Variants in CLEC11A observed in about 807,000 individuals in gnomAD.
CLEC11A encodes C-type lectin domain family 11 member A.
A neutral mutation model predicts 33.9 loss-of-function variants in CLEC11A; 35 were observed. That is an observed-to-expected ratio of 1.03 (90% CI 0.79 to 1.37). The LOEUF (loss-of-function observed/expected upper bound fraction) is 1.37. Ranked by LOEUF, CLEC11A falls within the 40% of genes most tolerant of loss-of-function variation. The pLI is 0.00. For synonymous variants in CLEC11A, 220 were observed against 202.2 expected (o/e 1.09, Z -0.75); for missense variants, 519 against 455.5 (o/e 1.14, Z -1.27).
Position 50,724,824 on chromosome 19 carries a change from G to C in CLEC11A, c.527-198G>C. ...GCAGCACCACGCCCCCTACAGTCCAGCTCCCACCGCCTGGCCCCGCCCCTG... is the reference window on the plus strand; with the variant it reads ...GCAGCACCACGCCCCCTACAGTCCACCTCCCACCGCCTGGCCCCGCCCCTG... On this transcript the variant is annotated intron_variant, in intron 3 of 3. Coordinates refer to ENST00000250340, the MANE Select transcript of CLEC11A (RefSeq NM_002975.3). This position sits in a 1 kb window ranked among gnomAD's most constrained non-coding sequence, Gnocchi z 4.1. 1.5e-5 allele frequency: 20 copies of C among 1,359,464 alleles called. No individual in the cohort carries two copies. The South Asian group carries it at 2.9e-4, about 20-fold the overall frequency. The allele number at this position is 1,359,464 out of a possible 1,614,324, so 84.2% of individuals were successfully genotyped here. A position where few individuals can be genotyped will look rare whatever the true frequency, so the allele number is the denominator to read the frequency against.
Position 50,724,942 on chromosome 19 carries a change from C to G in CLEC11A, c.527-80C>G, listed in dbSNP as rs111247044. ...AGTTCCTGGCCCCGCCTCCCTCCACCCCCGGATGTTTTGTCCTCGCCCCCT... is the reference window on the plus strand; with the variant it reads ...AGTTCCTGGCCCCGCCTCCCTCCACGCCCGGATGTTTTGTCCTCGCCCCCT... On this transcript the variant is annotated intron_variant, in intron 3 of 3. Transcript: ENST00000250340. The surrounding 1 kb of genome is among the most constrained non-coding windows in gnomAD (Gnocchi z 4.1). 5.7e-5 allele frequency: 81 copies of G among 1,417,362 alleles called. 2 individuals carry two copies. The African/African-American group carries it at 8.9e-4, about 16-fold the overall frequency. The allele number at this position is 1,417,362 out of a possible 1,614,324, so 87.8% of individuals were successfully genotyped here. A position where few individuals can be genotyped will look rare whatever the true frequency, so the allele number is the denominator to read the frequency against.
chr19:50,724,671 G>T lies in CLEC11A; in HGVS notation c.526+70G>T, dbSNP rs1479248007. 2 of 1,329,610 alleles carry T rather than the reference G, an allele frequency of 1.5e-6. No individual in the cohort carries two copies. The highest frequency in any genetic ancestry group is 1.6e-5 in the African/African-American group (1 of 64,480). 82.4% of individuals were successfully genotyped at this position (1,329,610 alleles called of 1,614,324 possible). Reference sequence around the variant, plus strand: ...GCCAGGAATGGGACTGGTTGAGAAGGTGACCCTAGGTGTCCGGGGCGGGAG... The same window carrying T: ...GCCAGGAATGGGACTGGTTGAGAAGTTGACCCTAGGTGTCCGGGGCGGGAG... On this transcript the variant is annotated intron_variant, in intron 3 of 3. Coordinates refer to ENST00000250340, the MANE Select transcript of CLEC11A (RefSeq NM_002975.3). This position sits in a 1 kb window ranked among gnomAD's most constrained non-coding sequence, Gnocchi z 4.1.
rs1187907027 is a variant in CLEC11A at position 50,724,583 on chromosome 19, G to A, written c.508G>A (p.Glu170Lys). ...LQEAQGRAEREHGRLEGCLKG... is the reference protein window; with the variant it reads ...LQEAQGRAERKHGRLEGCLKG... ...GGAGGCGCAGGGTCGCGCCGAGCGC[G>A]AGCACGGCCGCTTGGAGGGTGAGTC... Residue 170 changes from glutamate (E) to lysine (K), a missense_variant, in exon 3 of 4, where the codon GAG becomes AAG. Transcript: ENST00000250340. This position sits in a 1 kb window ranked among gnomAD's most constrained non-coding sequence, Gnocchi z 4.1. 1 of 1,424,946 alleles carries A rather than the reference G, an allele frequency of 7.0e-7. No individual in the cohort carries two copies. The highest frequency in any genetic ancestry group is 1.5e-5 in the African/African-American group (1 of 66,874). The allele number at this position is 1,424,946 out of a possible 1,614,324, so 88.3% of individuals were successfully genotyped here. A position where few individuals can be genotyped will look rare whatever the true frequency, so the allele number is the denominator to read the frequency against.
Position 50,724,661 on chromosome 19 carries a change from G to A in CLEC11A, c.526+60G>A. The A allele has an allele frequency of 7.4e-7, 1 of 1,351,784 alleles. No homozygotes were observed. Among genetic ancestry groups the A allele is most frequent in the Non-Finnish European group, 9.6e-7 (1 of 1,046,972 alleles). The allele number at this position is 1,351,784 out of a possible 1,614,324, so 83.7% of individuals were successfully genotyped here. A position where few individuals can be genotyped will look rare whatever the true frequency, so the allele number is the denominator to read the frequency against. ...GACTATCTGGGCCAGGAATGGGACT[G>A]GTTGAGAAGGTGACCCTAGGTGTCC... On this transcript the variant is annotated intron_variant, in intron 3 of 3. Coordinates refer to ENST00000250340, the MANE Select transcript of CLEC11A (RefSeq NM_002975.3). This position sits in a 1 kb window ranked among gnomAD's most constrained non-coding sequence, Gnocchi z 4.1.
Position 50,723,784 on chromosome 19 carries a change from G to A in CLEC11A, c.147+112G>A. 1 of 1,531,256 alleles carries A rather than the reference G, an allele frequency of 6.5e-7. No homozygotes were observed. 94.9% of individuals were successfully genotyped at this position (1,531,256 alleles called of 1,614,324 possible). On this transcript the variant is annotated intron_variant, in intron 1 of 3. Coordinates refer to ENST00000250340, the MANE Select transcript of CLEC11A (RefSeq NM_002975.3). This position sits in a 1 kb window ranked among gnomAD's most constrained non-coding sequence, Gnocchi z 4.1. ...GAGCGATTGGGATAGTCTCAGAGGA[G>A]TGGGAGGGTGATGGGCTCAGAGACA...
chr19:50,725,153 A>T lies in CLEC11A; in HGVS notation c.658A>T (p.Met220Leu), dbSNP rs769843229. ...SLAQPADRQQ[M>L]EALTRYLRAA... is the part of the protein sequence containing the mutation. ...GGCGCAGCCGGCAGACCGCCAGCAG[A>T]TGGAGGCGCTCACTCGGTACCTGCG... Residue 220 changes from methionine to leucine, a missense_variant, in exon 4 of 4, where the codon ATG (methionine) becomes TTG (leucine). Transcript: ENST00000250340. The T allele has an allele frequency of 5.1e-6, 8 of 1,563,226 alleles. No individual in the cohort carries two copies. The highest frequency in any genetic ancestry group is 6.9e-6 in the Non-Finnish European group (8 of 1,155,916).
At position 50,725,196 on chromosome 19, in the gene CLEC11A, A is replaced by C; in HGVS notation, c.701A>C (p.Tyr234Ser). 1 of 1,590,968 alleles carries C rather than the reference A, an allele frequency of 6.3e-7. No individual in the cohort carries two copies. The highest frequency in any genetic ancestry group is 8.5e-7 in the Non-Finnish European group (1 of 1,169,810). Residue 234 changes from tyrosine (Y) to serine (S), a missense_variant, in exon 4 of 4, where the codon TAC becomes TCC. Physicochemically the swap from Tyr to Ser is moderately radical, Grantham distance 144. Coordinates refer to ENST00000250340, the MANE Select transcript of CLEC11A (RefSeq NM_002975.3). ...TACCTGCGCGCGGCGCTCGCTCCCT[A>C]CAACTGGCCCGTGTGGCTGGGCGTG... is the stretch of plus-strand genomic sequence containing the variant. Reference protein sequence around the residue: ...TRYLRAALAPYNWPVWLGVHD... With the variant: ...TRYLRAALAPSNWPVWLGVHD...
rs766385763 is a variant in CLEC11A, at chr19:50,725,188, C to G, written c.693C>G (p.Leu231=). The G allele has an allele frequency of 6.3e-7, 1 of 1,585,304 alleles. No homozygotes were observed. The highest frequency in any genetic ancestry group is 1.8e-5 in the Admixed American group (1 of 55,818). The change falls in exon 4 of 4, where the codon CTC becomes CTG. Residue 231 remains leucine (L), a synonymous_variant. Coordinates refer to ENST00000250340, the MANE Select transcript of CLEC11A (RefSeq NM_002975.3). The part of the protein sequence containing the change: ...EALTRYLRAA[L]APYNWPVWLG... ...TCACTCGGTACCTGCGCGCGGCGCT[C>G]GCTCCCTACAACTGGCCCGTGTGGC...
Position 50,723,642 on chromosome 19 carries a change from G to C in CLEC11A, c.117G>C (p.Glu39Asp), listed in dbSNP as rs756071892. 1.2e-6 allele frequency: 2 copies of C among 1,600,762 alleles called. No homozygotes were observed. Among genetic ancestry groups the C allele is most frequent in the East Asian group, 4.5e-5 (2 of 44,800 alleles). ...GAGGCTGGGGAGGTGCCCAGGAGGA[G>C]GAGCGGGAGAGGGAGGCCCTGATGC... The part of the protein sequence containing the change: ...WEGGWGGAQE[E>D]EREREALMLK... Residue 39 changes from glutamate to aspartate, a missense_variant, in exon 1 of 4, where the codon GAG (glutamate) becomes GAC (aspartate). Transcript: ENST00000250340. This position sits in a 1 kb window ranked among gnomAD's most constrained non-coding sequence, Gnocchi z 4.1.
In CLEC11A at chr19:50,725,164, C is replaced by T; in HGVS notation, c.669C>T (p.Leu223=). ...QPADRQQMEA[L]TRYLRAALAP... is the part of the protein sequence containing the mutation. Reference sequence around the variant, plus strand: ...CAGACCGCCAGCAGATGGAGGCGCTCACTCGGTACCTGCGCGCGGCGCTCG... The same window carrying T: ...CAGACCGCCAGCAGATGGAGGCGCTTACTCGGTACCTGCGCGCGGCGCTCG... Residue 223 remains leucine, a synonymous_variant, in exon 4 of 4, where the codon CTC becomes CTT. Coordinates refer to ENST00000250340, the MANE Select transcript of CLEC11A (RefSeq NM_002975.3). 2 of 1,571,422 alleles carry T rather than the reference C, an allele frequency of 1.3e-6. No individual in the cohort carries two copies. Among genetic ancestry groups the T allele is most frequent in the Non-Finnish European group, 1.7e-6 (2 of 1,160,286 alleles).
rs751316654 is a variant in CLEC11A, at chr19:50,725,297, C to T, written c.802C>T (p.Pro268Ser). The T allele has an allele frequency of 6.2e-6, 10 of 1,611,970 alleles. 1 individual carries two copies. Among genetic ancestry groups the T allele is most frequent in the South Asian group, 4.4e-5 (4 of 90,982 alleles). ...RVSFFAWHRS[P>S]RPELGAQPSA... ...GTCCTTCTTCGCCTGGCATCGCTCACCCCGCCCCGAGCTCGGCGCCCAGCC... is the reference window on the plus strand; with the variant it reads ...GTCCTTCTTCGCCTGGCATCGCTCATCCCGCCCCGAGCTCGGCGCCCAGCC... Residue 268 changes from proline (P) to serine (S), a missense_variant, in exon 4 of 4, where the codon CCC (proline) becomes TCC (serine). Coordinates refer to ENST00000250340, the MANE Select transcript of CLEC11A (RefSeq NM_002975.3).
chr19:50,723,591 T>TC lies in CLEC11A; in HGVS notation c.67dup (p.Arg23ProfsTer42). The stretch of plus-strand genomic sequence containing the variant: ...AGCTCTTGGGCTTTGGCCATGGGGC[T>TC]CGGGGAGCAGAGAGGGAGTGGGAGG... On this transcript the variant is annotated frameshift_variant, in exon 1 of 4. Coordinates refer to ENST00000250340, the MANE Select transcript of CLEC11A (RefSeq NM_002975.3). LOFTEE classifies it high-confidence loss of function. This position sits in a 1 kb window ranked among gnomAD's most constrained non-coding sequence, Gnocchi z 4.1. The TC allele has an allele frequency of 6.2e-7, 1 of 1,611,734 alleles. No individual in the cohort carries two copies. The highest frequency in any genetic ancestry group is 8.5e-7 in the Non-Finnish European group (1 of 1,179,750).
Position 50,725,261 on chromosome 19 carries a change from G to A in CLEC11A, c.766G>A (p.Gly256Ser). The A allele has an allele frequency of 6.2e-7, 1 of 1,610,806 alleles. No homozygotes were observed. The highest frequency in any genetic ancestry group is 1.3e-5 in the African/African-American group (1 of 75,018). The stretch of plus-strand genomic sequence containing the variant: ...CGAGGGCCTCTACCTCTTCGAAAAC[G>A]GCCAGCGCGTGTCCTTCTTCGCCTG... The part of the protein sequence containing the change: ...RAEGLYLFEN[G>S]QRVSFFAWHR... The change falls in exon 4 of 4, where the codon GGC becomes AGC. Residue 256 changes from glycine (G) to serine (S), a missense_variant. Coordinates refer to ENST00000250340, the MANE Select transcript of CLEC11A (RefSeq NM_002975.3).
chr19:50,723,582 C>T lies in CLEC11A; in HGVS notation c.57C>T (p.Gly19=), dbSNP rs770373645. 7 of 1,612,086 alleles carry T rather than the reference C, an allele frequency of 4.3e-6. No homozygotes were observed. In the South Asian group the frequency reaches 4.4e-5, roughly 10 times the overall value. The change falls in exon 1 of 4, where the codon GGC becomes GGT. Residue 19 remains glycine, a synonymous_variant. Coordinates refer to ENST00000250340, the MANE Select transcript of CLEC11A (RefSeq NM_002975.3). The surrounding 1 kb of genome is among the most constrained non-coding windows in gnomAD (Gnocchi z 4.1). ...TGGTCCCCCAGCTCTTGGGCTTTGGCCATGGGGCTCGGGGAGCAGAGAGGG... is the reference window on the plus strand; with the variant it reads ...TGGTCCCCCAGCTCTTGGGCTTTGGTCATGGGGCTCGGGGAGCAGAGAGGG... ...ALVVPQLLGF[G]HGARGAEREW...
Position 50,723,628 on chromosome 19 carries a change from G to A in CLEC11A, c.103G>A (p.Gly35Ser), listed in dbSNP as rs1413902362. The A allele has an allele frequency of 6.2e-7, 1 of 1,606,484 alleles. No individual in the cohort carries two copies. Among genetic ancestry groups the A allele is most frequent in the Middle Eastern group, 2.2e-4 (1 of 4,650 alleles). ...AEREWEGGWGGAQEEEREREA... is the reference protein window; with the variant it reads ...AEREWEGGWGSAQEEEREREA... ...GAGGGAGTGGGAGGGAGGCTGGGGA[G>A]GTGCCCAGGAGGAGGAGCGGGAGAG... The change falls in exon 1 of 4, where the codon GGT becomes AGT. Residue 35 changes from glycine (G) to serine (S), a missense_variant. Gly to Ser is a moderately conservative substitution (Grantham distance 56). Transcript: ENST00000250340. This position sits in a 1 kb window ranked among gnomAD's most constrained non-coding sequence, Gnocchi z 4.1.
rs137983631 is a variant in CLEC11A, at chr19:50,725,224, C to A, written c.729C>A (p.His243Gln). ...PYNWPVWLGVHDRRAEGLYLF... is the reference protein window; with the variant it reads ...PYNWPVWLGVQDRRAEGLYLF... ...ACTGGCCCGTGTGGCTGGGCGTGCA[C>A]GATCGGCGCGCCGAGGGCCTCTACC... The change falls in exon 4 of 4, where the codon CAC becomes CAA. Residue 243 changes from histidine to glutamine, a missense_variant. Physicochemically the swap from His to Gln is conservative, Grantham distance 24. Transcript: ENST00000250340. 6.3e-7 allele frequency: 1 copy of A among 1,598,282 alleles called. No homozygotes were observed. The highest frequency in any genetic ancestry group is 1.1e-5 in the South Asian group (1 of 88,948).
At position 50,724,994 on chromosome 19, in the gene CLEC11A, C is replaced by T; in HGVS notation, c.527-28C>T. The T allele has an allele frequency of 6.9e-7, 1 of 1,451,534 alleles. No homozygotes were observed. The highest frequency in any genetic ancestry group is 9.0e-7 in the Non-Finnish European group (1 of 1,105,904). The allele number at this position is 1,451,534 out of a possible 1,614,324, so 89.9% of individuals were successfully genotyped here. On this transcript the variant is annotated intron_variant, in intron 3 of 3. Transcript: ENST00000250340. The surrounding 1 kb of genome is among the most constrained non-coding windows in gnomAD (Gnocchi z 4.1). Reference sequence around the variant, plus strand: ...CCAGACTCTGAATGCATGACCCCGCCTCCTTCTCTACCCGGCCCCGCCCAC... The same window carrying T: ...CCAGACTCTGAATGCATGACCCCGCTTCCTTCTCTACCCGGCCCCGCCCAC...
Position 50,723,988 on chromosome 19 carries a change from G to A in CLEC11A, c.231G>A (p.Glu77=). 6.2e-7 allele frequency: 1 copy of A among 1,613,554 alleles called. No individual in the cohort carries two copies. The highest frequency in any genetic ancestry group is 1.3e-5 in the African/African-American group (1 of 74,982). The change falls in exon 2 of 4, where the codon GAG becomes GAA. Residue 77 remains glutamate, a synonymous_variant. Coordinates refer to ENST00000250340, the MANE Select transcript of CLEC11A (RefSeq NM_002975.3). The surrounding 1 kb of genome is among the most constrained non-coding windows in gnomAD (Gnocchi z 4.1). ...CTGTTGAGGGAAAAGAGGACTGGGA[G>A]ATGGAGGAGGACCAGGGGGAGGAAG... is the stretch of plus-strand genomic sequence containing the variant. ...AGTVEGKEDW[E]MEEDQGEEEE...
rs766686099 is a variant in CLEC11A, at chr19:50,723,593, G to C, written c.68G>C (p.Arg23Pro). Residue 23 changes from arginine (R) to proline (P), a missense_variant, in exon 1 of 4, where the codon CGG (arginine) becomes CCG (proline). Transcript: ENST00000250340. The surrounding 1 kb of genome is among the most constrained non-coding windows in gnomAD (Gnocchi z 4.1). Reference sequence around the variant, plus strand: ...CTCTTGGGCTTTGGCCATGGGGCTCGGGGAGCAGAGAGGGAGTGGGAGGGA... The same window carrying C: ...CTCTTGGGCTTTGGCCATGGGGCTCCGGGAGCAGAGAGGGAGTGGGAGGGA... Reference protein sequence around the residue: ...PQLLGFGHGARGAEREWEGGW... With the variant: ...PQLLGFGHGAPGAEREWEGGW... 1.9e-6 allele frequency: 3 copies of C among 1,611,820 alleles called. No homozygotes were observed. The highest frequency in any genetic ancestry group is 2.7e-5 in the African/African-American group (2 of 74,842).
Sources: allele counts gnomAD v4.1 joint callset, GRCh38; gene constraint gnomAD v4.1.1; non-coding constraint Gnocchi (gnomAD v3.1); transcripts MANE v1.5; gene names NCBI Gene and HGNC (gene_info 2026-07-23, HGNC 2026-07-21).